SLC43A3: variants seen among roughly 807,000 people sequenced by gnomAD.
SLC43A3 encodes solute carrier family 43 member 3.
A neutral mutation model predicts 53.3 loss-of-function variants in SLC43A3; 33 were observed. The ratio of observed to expected loss-of-function variants is 0.62; its 90% CI spans 0.47 to 0.83. The LOEUF (loss-of-function observed/expected upper bound fraction) is 0.83. Ranked by LOEUF, SLC43A3 falls within the 40% of genes least tolerant of loss-of-function variation. SLC43A3 has a pLI of 0.00. For synonymous variants in SLC43A3, 236 were observed against 246.2 expected (o/e 0.96, Z 0.39); for missense variants, 530 against 610.0 (o/e 0.87, Z 1.38).
intron 7 of SLC43A3, among the ~76,000 whole-genome samples, chr11:57,419,711 G>C (rs997975390): frequency 6.6e-6 from 1 of 151,450 alleles, no homozygotes; most frequent in Non-Finnish European, 1.5e-5. Flanking sequence ...CAGGAGAATT[G>C]CTTAAACCCA....
At chr11:57,411,670 A>G (rs1006392248) in intron 11 of SLC43A3, among the ~76,000 whole-genome samples, 154 of 152,146 alleles carry the variant, frequency 1.0e-3, no homozygotes, top group African/African-American at 3.4e-3. Context: ...ATCCCTAAAA[A>G]TAAAGAAGAA....
In SLC43A3 at chr11:57,426,219, C is replaced by T. The variant is rs761535762; in HGVS notation, c.-47G>A. ...TCAAATCCCACTTTGTCCTCCTGGA[C>T]GGATCACAGGCGCCGTAAGCCTGGC... On this transcript the variant is annotated 5_prime_UTR_variant, in exon 3 of 14. Transcript: ENST00000395124. The T allele has an allele frequency of 7.6e-6, 12 of 1,585,734 alleles. No homozygotes were observed. The highest frequency in any genetic ancestry group is 2.2e-5 in the East Asian group (1 of 44,666).
In SLC43A3 at chr11:57,407,464, C is replaced by T. The variant is rs886890907; in HGVS notation, c.*328G>A. On this transcript the variant is annotated 3_prime_UTR_variant, in exon 14 of 14. Coordinates refer to ENST00000395124, the MANE Select transcript of SLC43A3 (RefSeq NM_199329.3). Reference sequence around the variant, plus strand: ...CATATAGGCTTCGGAGCCAAACAGGCCTAAAGAAATAGTTGACACACTTCC... The same window carrying T: ...CATATAGGCTTCGGAGCCAAACAGGTCTAAAGAAATAGTTGACACACTTCC... 1 of 244,364 alleles carries T rather than the reference C, an allele frequency of 4.1e-6. No homozygotes were observed. The highest frequency in any genetic ancestry group is 2.2e-5 in the African/African-American group (1 of 44,564). The allele number at this position is 244,364 out of a possible 1,614,324, so 15.1% of individuals were successfully genotyped here.
At chr11:57,415,792 C>G (rs548840973) in intron 9 of SLC43A3, among the ~76,000 whole-genome samples, 11 of 152,040 alleles carry the variant, frequency 7.2e-5, no homozygotes, top group Non-Finnish European at 1.6e-4. Context: ...TGTTTTGGAT[C>G]CAATTGTCAG....
At position 57,407,318 on chromosome 11, in the gene SLC43A3, C is replaced by T. The variant is rs1942256734; in HGVS notation, c.*474G>A. On this transcript the variant is annotated 3_prime_UTR_variant, in exon 14 of 14. Transcript: ENST00000395124. The stretch of plus-strand genomic sequence containing the variant: ...GGAACCCTGTCTGCTCCTCTTTTTC[C>T]CAGAGCTGTGAGTTCTCTAGCCAAG... The T allele has an allele frequency of 6.4e-6, 1 of 155,106 alleles. No individual in the cohort carries two copies. Among genetic ancestry groups the T allele is most frequent in the Non-Finnish European group, 1.4e-5 (1 of 69,712 alleles). The allele number at this position is 155,106 out of a possible 1,614,324, so 9.6% of individuals were successfully genotyped here.
In SLC43A3 at chr11:57,416,486, T is replaced by C. The variant is rs1274524691; in HGVS notation, c.769+87A>G. Reference sequence around the variant, plus strand: ...CCTGCCTTTCCTGATTCTGGGTCCCTGGGGGAGCTCTGGAGGTGAGGGGCC... The same window carrying C: ...CCTGCCTTTCCTGATTCTGGGTCCCCGGGGGAGCTCTGGAGGTGAGGGGCC... On this transcript the variant is annotated intron_variant, in intron 9 of 13. Coordinates refer to ENST00000395124, the MANE Select transcript of SLC43A3 (RefSeq NM_199329.3). 1.1e-5 allele frequency: 11 copies of C among 1,004,918 alleles called. No individual in the cohort carries two copies. The East Asian group carries it at 2.5e-4, about 22-fold the overall frequency. 62.3% of individuals were successfully genotyped at this position (1,004,918 alleles called of 1,614,324 possible). A position where few individuals can be genotyped will look rare whatever the true frequency, so the allele number is the denominator to read the frequency against.
chr11:57,421,081 T>C lies in SLC43A3; in HGVS notation c.439-17A>G, dbSNP rs763681929. 4 of 1,560,358 alleles carry C rather than the reference T, an allele frequency of 2.6e-6. No individual in the cohort carries two copies. In the African/African-American group the frequency reaches 4.1e-5, roughly 16 times the overall value. ...GTTCCCAATCTGGGGATGATAGGACTAGCCTGGATCACTTATTTATTCATG... is the reference window on the plus strand; with the variant it reads ...GTTCCCAATCTGGGGATGATAGGACCAGCCTGGATCACTTATTTATTCATG... On this transcript the variant is annotated splice_polypyrimidine_tract_variant and intron_variant, in intron 6 of 13. Coordinates refer to ENST00000395124, the MANE Select transcript of SLC43A3 (RefSeq NM_199329.3).
chr11:57,417,885 A>G lies in SLC43A3; in HGVS notation c.534T>C (p.Leu178=). Residue 178 remains leucine, a splice_region_variant and synonymous_variant, in exon 8 of 14, where the codon CTT becomes CTC. Transcript: ENST00000395124. ...TGAGGCTGATGCCTTTTTCATAAAGAAGCTGCAGAAGGAGAAGGAAAAAGT... is the reference window on the plus strand; with the variant it reads ...TGAGGCTGATGCCTTTTTCATAAAGGAGCTGCAGAAGGAGAAGGAAAAAGT... ...SSSAVFLIIK[L]LYEKGISLRA... 6.2e-7 allele frequency: 1 copy of G among 1,614,026 alleles called. No homozygotes were observed. The highest frequency in any genetic ancestry group is 1.1e-5 in the South Asian group (1 of 91,066).
intron 5 of SLC43A3, chr11:57,423,547 G>C (rs1943079297): frequency 6.4e-6 from 1 of 155,658 alleles, no homozygotes. Flanking sequence ...TCCTGCCTCA[G>C]CCTCCTGAGT....
At chr11:57,420,038 A>G (rs1186417487) in intron 7 of SLC43A3, among the ~76,000 whole-genome samples, 2 of 152,168 alleles carry the variant, frequency 1.3e-5, no homozygotes, top group Non-Finnish European at 2.9e-5. Context: ...ACCTGCAGGC[A>G]GTGCCAACTG....
intron 8 of SLC43A3, 89 bp downstream of exon 8, chr11:57,417,659 C>T: frequency 6.8e-7 from 1 of 1,476,668 alleles, no homozygotes. Context: ...CAGTCCTCCT[C>T]CTCTCCTGTG....
intron 10 of SLC43A3, 54 bp downstream of exon 10, chr11:57,414,878 TC>T: frequency 3.1e-6 from 5 of 1,596,176 alleles, no homozygotes; most frequent in Non-Finnish European, 4.3e-6. Flanking sequence ...GCTGGGAGGC[TC>T]TGTGTTCCCA....
At chr11:57,427,425 C>T (rs1280520960), upstream of SLC43A3, 1 of 152,582 alleles carries the variant, frequency 6.6e-6, no homozygotes, top group Non-Finnish European at 1.5e-5. Flanking sequence ...AAATGTCACA[C>T]CCAGCACCCA....
At chr11:57,424,165 C>T in intron 4 of SLC43A3, 137 bp from the exon 5 acceptor site, 2 of 791,646 alleles carry the variant, frequency 2.5e-6, no homozygotes, top group Non-Finnish European at 2.1e-6. Flanking sequence ...GGCACTGATG[C>T]CTCTGAGCCC....
Position 57,426,252 on chromosome 11 carries a change from C to A in SLC43A3, c.-80G>T. ...AGGCGCCGTAAGCCTGGCGTTTGAG[C>A]ACTTGGAAAATTCCTCTGGCAAGCC... On this transcript the variant is annotated 5_prime_UTR_variant, in exon 3 of 14. Coordinates refer to ENST00000395124, the MANE Select transcript of SLC43A3 (RefSeq NM_199329.3). The A allele has an allele frequency of 7.1e-7, 1 of 1,418,152 alleles. No homozygotes were observed. Among genetic ancestry groups the A allele is most frequent in the Non-Finnish European group, 9.7e-7 (1 of 1,034,770 alleles). 87.8% of individuals were successfully genotyped at this position (1,418,152 alleles called of 1,614,324 possible).
At chr11:57,415,934 A>G (rs1435722753) in intron 9 of SLC43A3, among the ~76,000 whole-genome samples, 1 of 152,184 alleles carries the variant, frequency 6.6e-6, no homozygotes, top group African/African-American at 2.4e-5. Flanking sequence ...ATCATCTCAC[A>G]TTTCTACCTG....
Position 57,407,679 on chromosome 11 carries a change from G to T in SLC43A3, c.*113C>A. On this transcript the variant is annotated 3_prime_UTR_variant, in exon 14 of 14. Coordinates refer to ENST00000395124, the MANE Select transcript of SLC43A3 (RefSeq NM_199329.3). ...GTGTCTTTATTTTGTGTGTGTGTGT[G>T]TGTGTGTGTGTGTTTTGCTGGGATA... is the stretch of plus-strand genomic sequence containing the variant. 1.5e-6 allele frequency: 1 copy of T among 652,492 alleles called. No individual in the cohort carries two copies. 40.4% of individuals were successfully genotyped at this position (652,492 alleles called of 1,614,324 possible). A position where few individuals can be genotyped will look rare whatever the true frequency, so the allele number is the denominator to read the frequency against.
intron 11 of SLC43A3, among the ~76,000 whole-genome samples, chr11:57,413,089 C>T (rs1449019838): frequency 2.0e-5 from 3 of 151,294 alleles, no homozygotes; most frequent in South Asian, 4.2e-4. Context: ...AATTAAACTG[C>T]GTTTCCTCCA....
intron 11 of SLC43A3, among the ~76,000 whole-genome samples, chr11:57,411,940 A>G (rs1942494155): frequency 6.6e-6 from 1 of 152,150 alleles, no homozygotes. Flanking sequence ...TCAAGGAAAT[A>G]AAAATTTGAA....
Sources: allele counts gnomAD v4.1 joint callset (sites outside exome capture counted in the v4.1 genomes callset), GRCh38; gene constraint gnomAD v4.1.1; transcripts MANE v1.5; gene names NCBI Gene and HGNC (gene_info 2026-07-23, HGNC 2026-07-21).